Variants in NPSR1 observed in about 807,000 individuals in gnomAD.
The protein encoded by NPSR1 is neuropeptide S receptor.
In NPSR1, 48 loss-of-function variants were observed where a neutral mutation model predicts 46.9. The observed-to-expected ratio is 1.02, with a 90% CI of 0.81 to 1.30. The LOEUF is 1.30. NPSR1 is among the 50% of genes most tolerant of loss of function. NPSR1 has a pLI of 0.00. For synonymous variants in NPSR1, 176 were observed against 168.1 expected (o/e 1.05, Z -0.36); for missense variants, 450 against 449.5 (o/e 1.00, Z -0.01).
chr7:34,768,502 T>C (rs1293446988), intron 2 of NPSR1: 2 of 152,172 alleles, frequency 1.3e-5, no homozygotes, highest in African/African-American at 2.4e-5. Context: ...GTTAAATGAC[T>C]CTAAAATGTA....
At chr7:34,872,003 C>A (rs76012188) in intron 8 of NPSR1, among the ~76,000 whole-genome samples, 26,755 of 151,808 alleles carry the variant, frequency 0.18, 2,780 homozygotes, top group Non-Finnish European at 0.23. Context: ...GTAGAGGCTC[C>A]AATCCCACAT....
At chr7:34,850,437 G>T (rs1246241713), downstream of NPSR1, among the ~76,000 whole-genome samples, 4 of 127,156 alleles carry the variant, frequency 3.1e-5, no homozygotes, top group Admixed American at 9.9e-5. Context: ...GTCTCGCTCT[G>T]TCGCCCAGGC....
intron 3 of NPSR1, among the ~76,000 whole-genome samples, chr7:34,784,276 A>C (rs1020769375): frequency 1.3e-5 from 2 of 152,130 alleles, no homozygotes; most frequent in African/African-American, 4.8e-5. Flanking sequence ...TTCAAAGGGA[A>C]TGCTTCCAGT....
In NPSR1 at chr7:34,692,482, T is replaced by TA. The variant is rs1793314292; in HGVS notation, c.280+7804dup. Among the ~76,000 whole-genome samples the TA allele has an allele frequency of 2.0e-5, 3 of 151,806 alleles. No individual in the cohort carries two copies. In the South Asian group the frequency reaches 6.2e-4, roughly 32 times the overall value. ...GTAAACAATAAAATTAAGACAAAAA[T>TA]AAAAAACATTTCAAAATGAATGAAA... On this transcript the variant is annotated intron_variant, in intron 2 of 8. Coordinates refer to ENST00000360581, the MANE Select transcript of NPSR1 (RefSeq NM_207172.2).
At chr7:34,877,997 G>C in intron 8 of NPSR1, 1 of 767,398 alleles carries the variant, frequency 1.3e-6, no homozygotes, top group Non-Finnish European at 2.2e-6. Flanking sequence ...ACCACAGTGA[G>C]GTCACACATT....
intron 2 of NPSR1, among the ~76,000 whole-genome samples, chr7:34,709,720 C>T (rs1436676195): frequency 6.6e-6 from 1 of 152,064 alleles, no homozygotes; most frequent in Non-Finnish European, 1.5e-5. Flanking sequence ...TTGTTTTATT[C>T]TCCAAGAACT....
intron 3 of NPSR1, among the ~76,000 whole-genome samples, chr7:34,782,157 C>T (rs754960145): frequency 6.6e-6 from 1 of 152,128 alleles, no homozygotes; most frequent in South Asian, 2.1e-4. Context: ...ACATACTATA[C>T]CATGCAGCAG....
At chr7:34,814,812 G>A (rs1218438997) in intron 4 of NPSR1, among the ~76,000 whole-genome samples, 1 of 152,138 alleles carries the variant, frequency 6.6e-6, no homozygotes, top group African/African-American at 2.4e-5. Context: ...CAACAGACCT[G>A]CAGCTGAGGG....
chr7:34,805,499 A>AAC (rs1187847099), intron 3 of NPSR1, among the ~76,000 whole-genome samples: 6 of 151,236 alleles, frequency 4.0e-5, no homozygotes, highest in African/African-American at 1.5e-4. Flanking sequence ...AAAAAAAAAA[A>AAC]AACTTAATGT....
At chr7:34,826,606 A>C (rs868756034) in intron 4 of NPSR1, among the ~76,000 whole-genome samples, 1 of 152,346 alleles carries the variant, frequency 6.6e-6, no homozygotes, top group Admixed American at 6.5e-5. Flanking sequence ...GCATCACATC[A>C]TAACAACGGG....
At chr7:34,731,177 A>G (rs1157004550) in intron 2 of NPSR1, among the ~76,000 whole-genome samples, 1 of 152,172 alleles carries the variant, frequency 6.6e-6, no homozygotes, top group Admixed American at 6.5e-5. Flanking sequence ...AATATAAATA[A>G]TATTTACATA....
chr7:34,850,716 T>C (rs1790912598), downstream of NPSR1, among the ~76,000 whole-genome samples: 1 of 152,288 alleles, frequency 6.6e-6, no homozygotes, highest in East Asian at 1.9e-4. Flanking sequence ...TGAGGCTTTC[T>C]GAGACCTCTC....
chr7:34,720,814 G>C (rs1783818486), intron 2 of NPSR1, among the ~76,000 whole-genome samples: 1 of 152,112 alleles, frequency 6.6e-6, no homozygotes, highest in African/African-American at 2.4e-5. Context: ...GCAGGGGCAA[G>C]AGTAATTTAT....
intron 1 of NPSR1, among the ~76,000 whole-genome samples, chr7:34,680,940 G>GTT (rs11350158): frequency 6.9e-6 from 1 of 144,532 alleles, no homozygotes. Context: ...GTTGATAAAG[G>GTT]TTTTTTTTTT....
At chr7:34,717,026 G>A (rs550252627) in intron 2 of NPSR1, among the ~76,000 whole-genome samples, 1 of 152,204 alleles carries the variant, frequency 6.6e-6, no homozygotes, top group African/African-American at 2.4e-5. Context: ...TCACTGCCAG[G>A]GATATTTTAC....
chr7:34,712,489 T>A (rs1783348460), intron 2 of NPSR1, among the ~76,000 whole-genome samples: 1 of 152,214 alleles, frequency 6.6e-6, no homozygotes, highest in Non-Finnish European at 1.5e-5. Context: ...AGTTACAATG[T>A]TCCATCTATT....
chr7:34,729,121 A>G (rs922202439), intron 2 of NPSR1, among the ~76,000 whole-genome samples: 2 of 152,152 alleles, frequency 1.3e-5, no homozygotes, highest in African/African-American at 4.8e-5. Flanking sequence ...AGGAAGCCTT[A>G]TCAACCCACA....
chr7:34,754,669 A>C (rs1020439827), intron 2 of NPSR1, among the ~76,000 whole-genome samples: 1 of 152,214 alleles, frequency 6.6e-6, no homozygotes, highest in Admixed American at 6.5e-5. Context: ...CACCCATTAA[A>C]AGTATAAAAC....
At chr7:34,763,527 A>T (rs1786281583) in intron 2 of NPSR1, among the ~76,000 whole-genome samples, 1 of 151,962 alleles carries the variant, frequency 6.6e-6, no homozygotes, top group Non-Finnish European at 1.5e-5. Flanking sequence ...AAAAAAAAAT[A>T]ATGTGTTCAT....
Sources: allele counts gnomAD v4.1 joint callset (sites outside exome capture counted in the v4.1 genomes callset), GRCh38; gene constraint gnomAD v4.1.1; transcripts MANE v1.5; gene names NCBI Gene and HGNC (gene_info 2026-07-23, HGNC 2026-07-21).